The following ATM variants were observed in gnomAD, a reference collection of about 807,000 sequenced individuals.
The protein encoded by ATM is ATM serine/threonine kinase, also known as serine-protein kinase ATM.
In ATM, 308 loss-of-function variants were observed where a neutral mutation model predicts 387.0. The ratio of observed to expected loss-of-function variants is 0.80; its 90% CI spans 0.73 to 0.87. ATM has a LOEUF of 0.87. Among genes scored for constraint, ATM ranks in the 40% least tolerant of loss-of-function variants. The probability of loss-of-function intolerance (pLI) is 0.00; values close to 1 mark genes in which losing one functional copy is unlikely to be tolerated. For synonymous variants in ATM, 1,156 were observed against 1,187.3 expected (o/e 0.97, Z 0.54); for missense variants, 3,312 against 3,560.9 (o/e 0.93, Z 1.78).
intron 16 of ATM, 67 bp from the exon 17 acceptor site, chr11:108,267,104 T>A: frequency 4.6e-6 from 7 of 1,529,708 alleles, no homozygotes; most frequent in Non-Finnish European, 6.3e-6. Context: ...CCTGATTAGG[T>A]AAATTTTGAC....
chr11:108,260,814 A>G (rs2080824693), intron 16 of ATM, among the ~76,000 whole-genome samples: 1 of 152,218 alleles, frequency 6.6e-6, no homozygotes, highest in Admixed American at 6.5e-5. Flanking sequence ...AGGGCGAGGC[A>G]TTGCCTCACT....
Position 108,358,158 on chromosome 11 carries a change from C to T in ATM, c.8850+3284C>T, listed in dbSNP as rs1375707187. ...AACTATGTGAAGAATGCAGAAGCCT[C>T]AGGAGCCGATGCGATCAACTGGAAG... is the stretch of plus-strand genomic sequence containing the variant. On this transcript the variant is annotated intron_variant, in intron 61 of 62. Transcript: ENST00000675843. Among the ~76,000 whole-genome samples, 4 of 151,634 alleles carry T rather than the reference C, an allele frequency of 2.6e-5. No individual in the cohort carries two copies. The East Asian group carries it at 7.7e-4, about 29-fold the overall frequency.
At chr11:108,234,825 A>C (rs751984127) in intron 4 of ATM, among the ~76,000 whole-genome samples, 17 of 143,458 alleles carry the variant, frequency 1.2e-4, no homozygotes, top group Non-Finnish European at 1.4e-4. Flanking sequence ...TGGGTGATAG[A>C]GCGAGACCCT....
intron 52 of ATM, among the ~76,000 whole-genome samples, chr11:108,332,357 G>A (rs1272181108): frequency 1.3e-5 from 2 of 152,086 alleles, no homozygotes; most frequent in Non-Finnish European, 2.9e-5. Flanking sequence ...ACTTGAACTC[G>A]GGAGGCGGAG....
intron 5 of ATM, among the ~76,000 whole-genome samples, chr11:108,237,520 G>A (rs796096287): frequency 1.3e-5 from 2 of 150,878 alleles, no homozygotes; most frequent in African/African-American, 4.9e-5. Context: ...ACTTCTTCCC[G>A]GATGTTACTT....
chr11:108,316,332 G>A (rs1228084944), intron 42 of ATM, among the ~76,000 whole-genome samples: 1 of 152,162 alleles, frequency 6.6e-6, no homozygotes, highest in African/African-American at 2.4e-5. Flanking sequence ...AGTCAGACAG[G>A]TCATTGACCT....
intron 61 of ATM, among the ~76,000 whole-genome samples, chr11:108,357,773 T>G (rs1040172269): frequency 6.6e-6 from 1 of 151,880 alleles, no homozygotes. Context: ...AGAAAGGATA[T>G]CCACACCAAA....
In ATM at chr11:108,260,807, G is replaced by T. The variant is rs549607587; in HGVS notation, c.2466+1732G>T. Among the ~76,000 whole-genome samples the T allele has an allele frequency of 2.6e-5, 4 of 152,356 alleles. No individual in the cohort carries two copies. The East Asian group carries it at 5.8e-4, about 22-fold the overall frequency. On this transcript the variant is annotated intron_variant, in intron 16 of 62. Transcript: ENST00000675843. The stretch of plus-strand genomic sequence containing the variant: ...CGCACCGTGCGCGAGCCGAAGCAGG[G>T]CGAGGCATTGCCTCACTCAGGAAGT...
At chr11:108,343,916 C>T (rs2087937762) in intron 57 of ATM, among the ~76,000 whole-genome samples, 1 of 152,212 alleles carries the variant, frequency 6.6e-6, no homozygotes, top group South Asian at 2.1e-4. Flanking sequence ...GCTGAATCAG[C>T]AACATTTATT....
intron 7 of ATM, 135 bp downstream of exon 7, chr11:108,245,161 A>C (rs986287120): frequency 1.3e-6 from 1 of 781,332 alleles, no homozygotes; most frequent in African/African-American, 1.8e-5. Flanking sequence ...CTTAGCCATG[A>C]GAATGTTTTT....
intron 12 of ATM, among the ~76,000 whole-genome samples, chr11:108,253,202 A>G (rs2080246836): frequency 1.3e-5 from 2 of 152,222 alleles, no homozygotes; most frequent in South Asian, 2.1e-4. Flanking sequence ...TAAAATTTAT[A>G]TGAAATAAGT....
Position 108,348,153 on chromosome 11 carries a change from G to T in ATM, c.8671+788G>T, listed in dbSNP as rs1485632491. On this transcript the variant is annotated intron_variant, in intron 59 of 62. Coordinates refer to ENST00000675843, the MANE Select transcript of ATM (RefSeq NM_000051.4). Reference sequence around the variant, plus strand: ...ATTTAGTTTTGCTCATTATTTTGAAGTATTAATGGAATTTCTAGGTGGAAT... The same window carrying T: ...ATTTAGTTTTGCTCATTATTTTGAATTATTAATGGAATTTCTAGGTGGAAT... Among the ~76,000 whole-genome samples the T allele has an allele frequency of 4.6e-5, 7 of 152,044 alleles. No individual in the cohort carries two copies. In the South Asian group the frequency reaches 1.4e-3, roughly 31 times the overall value.
chr11:108,352,174 G>C (rs2089289224), intron 59 of ATM, among the ~76,000 whole-genome samples: 1 of 152,226 alleles, frequency 6.6e-6, no homozygotes, highest in African/African-American at 2.4e-5. Flanking sequence ...ATGGCCACCT[G>C]TAGGTGCCAA....
At chr11:108,300,923 C>T (rs575756110) in intron 34 of ATM, among the ~76,000 whole-genome samples, 1 of 147,132 alleles carries the variant, frequency 6.8e-6, no homozygotes, top group Admixed American at 6.8e-5. Context: ...CGCTCTATCA[C>T]CCAGGCTGGA....
chr11:108,225,083 C>T (rs1336782310), intron 1 of ATM: 2 of 152,170 alleles, frequency 1.3e-5, no homozygotes, highest in Non-Finnish European at 2.9e-5. Flanking sequence ...GCTGCCTCTT[C>T]CGGGAAGTGT....
At position 108,299,955 on chromosome 11, in the gene ATM, T is replaced by C. The variant is rs576773545; in HGVS notation, c.5177+70T>C. On this transcript the variant is annotated intron_variant, in intron 34 of 62. Transcript: ENST00000675843. ...CATGGAGAATGATACTTCACACAAATAGATATTCTCAGTAACTAAAGCTTT... is the reference window on the plus strand; with the variant it reads ...CATGGAGAATGATACTTCACACAAACAGATATTCTCAGTAACTAAAGCTTT... 3.5e-6 allele frequency: 5 copies of C among 1,416,478 alleles called. No homozygotes were observed. The East Asian group carries it at 1.1e-4, about 33-fold the overall frequency. The allele number at this position is 1,416,478 out of a possible 1,614,324, so 87.7% of individuals were successfully genotyped here.
intron 61 of ATM, among the ~76,000 whole-genome samples, chr11:108,359,804 G>C (rs1444874762): frequency 6.6e-6 from 1 of 152,058 alleles, no homozygotes; most frequent in Non-Finnish European, 1.5e-5. Flanking sequence ...GCAGTGTGTA[G>C]AGGGAAATTT....
In ATM at chr11:108,297,395, C is replaced by T. The variant is rs1192513529; in HGVS notation, c.5005+13C>T. The T allele has an allele frequency of 2.5e-6, 4 of 1,595,898 alleles. No homozygotes were observed. In the Admixed American group the frequency reaches 5.0e-5, roughly 20 times the overall value. The stretch of plus-strand genomic sequence containing the variant: ...AAAGAAGTTCTAGGTAAACTACAGT[C>T]ATGCGCTGCGTGACATTTCAGTCAA... On this transcript the variant is annotated intron_variant, in intron 33 of 62. Coordinates refer to ENST00000675843, the MANE Select transcript of ATM (RefSeq NM_000051.4).
intron 9 of ATM, among the ~76,000 whole-genome samples, chr11:108,249,514 A>T (rs2080025553): frequency 6.6e-6 from 1 of 152,250 alleles, no homozygotes; most frequent in South Asian, 2.1e-4. Flanking sequence ...ATGCCATGAT[A>T]AAAAGTTATT....
Sources: gnomAD v4.1 joint callset for allele counts (sites outside exome capture counted in the v4.1 genomes callset) on GRCh38, gnomAD v4.1.1 for gene constraint, MANE v1.5 for transcripts, NCBI Gene and HGNC (gene_info 2026-07-23, HGNC 2026-07-21) for gene names.